SRGAP3: variants seen among roughly 807,000 people sequenced by gnomAD.
SRGAP3 encodes the protein SLIT-ROBO Rho GTPase activating protein 3.
In SRGAP3, 39 loss-of-function variants were observed where a neutral mutation model predicts 121.1. The ratio of observed to expected loss-of-function variants is 0.32; its 90% CI spans 0.25 to 0.42. The LOEUF (loss-of-function observed/expected upper bound fraction) is 0.42. Among genes scored for constraint, SRGAP3 ranks in the 10% least tolerant of loss-of-function variants. SRGAP3 has a pLI of 1.00. For missense variants in SRGAP3, 1,213 were observed against 1,470.6 expected (o/e 0.82, Z 2.86); for synonymous variants, 601 against 570.0 (o/e 1.05, Z -0.77).
rs376929977 is a variant in SRGAP3, at chr3:9,166,377, G to T, written c.68-41460C>A. Among the ~76,000 whole-genome samples, 21 of 152,238 alleles carry T rather than the reference G, an allele frequency of 1.4e-4. No individual in the cohort carries two copies. In the East Asian group the frequency reaches 3.5e-3, roughly 25 times the overall value. On this transcript the variant is annotated intron_variant, in intron 1 of 21. Transcript: ENST00000383836. ...CACTGCTAGATGGTCCCACAAATTT[G>T]GTTATCCTCTTTGTTCACAAAGATA...
chr3:9,256,161 G>T (rs1053251905), intron 3 of SRGAP3, among the ~76,000 whole-genome samples: 1 of 152,076 alleles, frequency 6.6e-6, no homozygotes, highest in Non-Finnish European at 1.5e-5. Flanking sequence ...ATCAGGACCT[G>T]TCACGGAGCT....
chr3:8,995,999 A>C (rs1942379635), intron 18 of SRGAP3, among the ~76,000 whole-genome samples: 1 of 152,148 alleles, frequency 6.6e-6, no homozygotes, highest in South Asian at 2.1e-4. Context: ...TCATCGATCT[A>C]TTCATCCACC....
intron 1 of SRGAP3, among the ~76,000 whole-genome samples, chr3:9,147,165 C>A (rs1176545403): frequency 6.6e-6 from 1 of 152,154 alleles, no homozygotes; most frequent in Non-Finnish European, 1.5e-5. Context: ...CAAGGACACA[C>A]CCCCATTTTT....
intron 1 of SRGAP3, among the ~76,000 whole-genome samples, chr3:9,173,260 A>C (rs892442600): frequency 2.0e-5 from 3 of 152,202 alleles, no homozygotes; most frequent in Non-Finnish European, 4.4e-5. Flanking sequence ...CACCCACATA[A>C]GCACAGAGGA....
chr3:9,332,477 G>T (rs988239653), intron 1 of SRGAP3, among the ~76,000 whole-genome samples: 1 of 152,256 alleles, frequency 6.6e-6, no homozygotes, highest in Non-Finnish European at 1.5e-5. Context: ...AAATTCCATG[G>T]TCAGAGAGTG....
intron 1 of SRGAP3, among the ~76,000 whole-genome samples, chr3:9,128,463 G>A (rs1295466621): frequency 6.6e-6 from 1 of 152,170 alleles, no homozygotes; most frequent in Non-Finnish European, 1.5e-5. Flanking sequence ...CAAGTGAAAG[G>A]GAATTAGGAG....
Position 9,249,119 on chromosome 3 carries a change from T to C in SRGAP3, c.-168A>G. On this transcript the variant is annotated 5_prime_UTR_variant, in exon 1 of 22. Transcript: ENST00000383836. ...GCAGGGAGAAAAATCCTTCTCCTTC[T>C]GGAAGGAAAAATCTCTTTACTTGCC... The C allele has an allele frequency of 1.4e-6, 1 of 714,822 alleles. No individual in the cohort carries two copies. Among genetic ancestry groups the C allele is most frequent in the Non-Finnish European group, 2.4e-6 (1 of 410,186 alleles). 44.3% of individuals were successfully genotyped at this position (714,822 alleles called of 1,614,324 possible).
rs938632094 is a variant in SRGAP3, at chr3:9,249,147, G to T, written c.-196C>A. 1 of 647,474 alleles carries T rather than the reference G, an allele frequency of 1.5e-6. No homozygotes were observed. The highest frequency in any genetic ancestry group is 1.8e-5 in the African/African-American group (1 of 55,166). 40.1% of individuals were successfully genotyped at this position (647,474 alleles called of 1,614,324 possible). On this transcript the variant is annotated 5_prime_UTR_variant, in exon 1 of 22. Transcript: ENST00000383836. ...AAGGAAAAATCTCTTTACTTGCCGA[G>T]AAATGGCTCTAGTAGCTTGCCCTGG...
chr3:9,225,724 A>G (rs1235875473), intron 1 of SRGAP3, among the ~76,000 whole-genome samples: 1 of 152,122 alleles, frequency 6.6e-6, no homozygotes, highest in Admixed American at 6.5e-5. Context: ...AAGCCATGAC[A>G]CCAGGGATGG....
chr3:8,984,787 G>T lies in SRGAP3; in HGVS notation c.*732C>A, dbSNP rs1244462713. 1 of 231,812 alleles carries T rather than the reference G, an allele frequency of 4.3e-6. No individual in the cohort carries two copies. 14.4% of individuals were successfully genotyped at this position (231,812 alleles called of 1,614,324 possible). A position where few individuals can be genotyped will look rare whatever the true frequency, so the allele number is the denominator to read the frequency against. On this transcript the variant is annotated 3_prime_UTR_variant, in exon 22 of 22. Transcript: ENST00000383836. The stretch of plus-strand genomic sequence containing the variant: ...CACCTCTGGGAGCAGCCTGCTTGGG[G>T]GTACTGCCTGCCCCACCCTTCCTTG...
intron 2 of SRGAP3, among the ~76,000 whole-genome samples, chr3:9,107,838 T>C (rs1948471450): frequency 6.6e-6 from 1 of 152,214 alleles, no homozygotes; most frequent in South Asian, 2.1e-4. Context: ...TCACTTCTAT[T>C]GTGTCATCAC....
At chr3:9,340,266 T>G (rs1043678671) in intron 1 of SRGAP3, among the ~76,000 whole-genome samples, 1 of 152,224 alleles carries the variant, frequency 6.6e-6, no homozygotes, top group African/African-American at 2.4e-5. Flanking sequence ...TATCTGGCAC[T>G]ATTCCTCCAA....
chr3:9,311,635 T>C (rs1174562104), intron 3 of SRGAP3, among the ~76,000 whole-genome samples: 1 of 152,210 alleles, frequency 6.6e-6, no homozygotes, highest in Non-Finnish European at 1.5e-5. Context: ...TGTCACAAAA[T>C]GTTATTCTTC....
chr3:9,253,099 A>G (rs150393710), upstream of SRGAP3, among the ~76,000 whole-genome samples: 26 of 152,316 alleles, frequency 1.7e-4, no homozygotes, highest in African/African-American at 6.3e-4. Context: ...GAGTCCAGTG[A>G]TGTAAATCAT....
At chr3:9,146,092 C>T (rs1054198221) in intron 1 of SRGAP3, among the ~76,000 whole-genome samples, 8 of 152,148 alleles carry the variant, frequency 5.3e-5, no homozygotes, top group Non-Finnish European at 1.2e-4. Flanking sequence ...GCAAGTGAAT[C>T]GGTAGAAGAG....
chr3:9,204,735 T>A (rs1330299041), intron 1 of SRGAP3, among the ~76,000 whole-genome samples: 2 of 152,188 alleles, frequency 1.3e-5, no homozygotes. Context: ...ACAGAAGGCG[T>A]AAGCCGGGCA....
intron 3 of SRGAP3, among the ~76,000 whole-genome samples, chr3:9,317,011 T>C (rs1341616016): frequency 6.6e-6 from 1 of 152,104 alleles, no homozygotes; most frequent in Non-Finnish European, 1.5e-5. Flanking sequence ...ACTTCTTCCT[T>C]TCTCCTGCCA....
At position 9,216,262 on chromosome 3, in the gene SRGAP3, C is replaced by G. The variant is rs1162429; in HGVS notation, c.67+32623G>C. Reference sequence around the variant, plus strand: ...TCAGGCCCTGCCTCTCACCTGGAGGCAGGACCATCCCCCACAAGGGGAATA... The same window carrying G: ...TCAGGCCCTGCCTCTCACCTGGAGGGAGGACCATCCCCCACAAGGGGAATA... On this transcript the variant is annotated intron_variant, in intron 1 of 21. Coordinates refer to ENST00000383836, the MANE Select transcript of SRGAP3 (RefSeq NM_014850.4). Among the ~76,000 whole-genome samples the G allele has an allele frequency of 4.4e-4, 67 of 152,358 alleles. 1 individual carries two copies. Among genetic ancestry groups the G allele is most frequent in the African/African-American group, 1.5e-3 (64 of 41,590 alleles).
chr3:9,091,814 TC>T (rs1304890006), intron 3 of SRGAP3, among the ~76,000 whole-genome samples: 1 of 152,146 alleles, frequency 6.6e-6, no homozygotes, highest in East Asian at 1.9e-4. Context: ...TTGTTATTCT[TC>T]CCCTCTGCCT....
Sources: gnomAD v4.1 joint callset for allele counts (sites outside exome capture counted in the v4.1 genomes callset) on GRCh38, gnomAD v4.1.1 for gene constraint, MANE v1.5 for transcripts, NCBI Gene and HGNC (gene_info 2026-07-23, HGNC 2026-07-21) for gene names.